The following RLF variants were observed in gnomAD, a reference collection of about 807,000 sequenced individuals.
RLF encodes zinc finger protein Rlf.
Under a neutral mutation model 162.9 loss-of-function variants are expected in RLF, and 7 were observed. The observed-to-expected ratio is 0.04, with a 90% confidence interval of 0.02 to 0.08. RLF has a LOEUF of 0.08. RLF is among the 10% of genes least tolerant of loss of function. The pLI is 1.00. For synonymous variants in RLF, 782 were observed against 791.5 expected (o/e 0.99, Z 0.20); for missense variants, 1,664 against 2,244.7 (o/e 0.74, Z 5.23).
chr1:40,161,770 A>G lies in RLF; in HGVS notation c.237+134A>G. ...GACTCGCCGCGCCCCCGGGCCGGGA[A>G]GGCCCAGCTCGGAAGCTCGACCGCT... is the stretch of plus-strand genomic sequence containing the variant. On this transcript the variant is annotated intron_variant, in intron 1 of 7. Transcript: ENST00000372771. This position sits in a 1 kb window ranked among gnomAD's most constrained non-coding sequence, Gnocchi z 4.4. 3 of 1,310,180 alleles carry G rather than the reference A, an allele frequency of 2.3e-6. No homozygotes were observed. Among genetic ancestry groups the G allele is most frequent in the Non-Finnish European group, 3.1e-6 (3 of 976,038 alleles). 81.2% of individuals were successfully genotyped at this position (1,310,180 alleles called of 1,614,324 possible).
At chr1:40,181,345 G>A (rs745984045) in intron 1 of RLF, among the ~76,000 whole-genome samples, 45 of 152,156 alleles carry the variant, frequency 3.0e-4, no homozygotes, top group Admixed American at 5.2e-4. Flanking sequence ...CAGGAGAATC[G>A]CTTGAACCTG....
intron 5 of RLF, among the ~76,000 whole-genome samples, chr1:40,213,839 TATTA>T: frequency 6.6e-6 from 1 of 152,244 alleles, no homozygotes; most frequent in South Asian, 2.1e-4. Context: ...AATGATAAAA[TATTA>T]ATGGCACTGG....
intron 1 of RLF, among the ~76,000 whole-genome samples, chr1:40,167,751 A>C (rs1246475692): frequency 6.8e-6 from 1 of 147,416 alleles, no homozygotes; most frequent in African/African-American, 2.5e-5. Context: ...CCGTCTCCCC[A>C]ACTGGGATGT....
intron 5 of RLF, among the ~76,000 whole-genome samples, chr1:40,221,562 A>G (rs1642994631): frequency 6.6e-6 from 1 of 151,844 alleles, no homozygotes; most frequent in Admixed American, 6.6e-5. Flanking sequence ...GTAACTGCGT[A>G]GCGCACTGGA....
chr1:40,200,867 TACACAC>T (rs71060356), intron 4 of RLF, among the ~76,000 whole-genome samples: 1,084 of 34,750 alleles, frequency 0.031, 23 homozygotes, highest in Middle Eastern at 0.065. Flanking sequence ...ATTGCTACTC[TACACAC>T]ACACACACAC....
chr1:40,236,576 A>C lies in RLF; in HGVS notation c.1874A>C (p.Gln625Pro). 6.2e-7 allele frequency: 1 copy of C among 1,614,154 alleles called. No individual in the cohort carries two copies. The highest frequency in any genetic ancestry group is 1.3e-5 in the African/African-American group (1 of 75,056). ...AAGAAATTACTGTTAAAAGGCTCTC[A>C]AAAGGGTATTTGTCCTAAGAGCCCC... ...SKKKLLLKGSQKGICPKSPSA... is the reference protein window; with the variant it reads ...SKKKLLLKGSPKGICPKSPSA... Residue 625 changes from glutamine (Q) to proline (P), a missense_variant, in exon 8 of 8, where the codon CAA becomes CCA. By Grantham distance (76) the Gln-to-Pro change is moderately conservative. Transcript: ENST00000372771. The surrounding 1 kb of genome is among the most constrained non-coding windows in gnomAD (Gnocchi z 7.7).
intron 5 of RLF, among the ~76,000 whole-genome samples, chr1:40,222,088 G>GA (rs1410942026): frequency 6.6e-6 from 1 of 151,912 alleles, no homozygotes; most frequent in Non-Finnish European, 1.5e-5. Flanking sequence ...TTCCTTCTAT[G>GA]AAAAAATGAT....
intron 1 of RLF, among the ~76,000 whole-genome samples, chr1:40,178,519 A>G (rs1642358784): frequency 6.6e-6 from 1 of 152,054 alleles, no homozygotes; most frequent in South Asian, 2.1e-4. Context: ...AATACTTAAT[A>G]CCACAGAAAT....
chr1:40,204,034 CTT>C (rs60379541), intron 5 of RLF, among the ~76,000 whole-genome samples: 65 of 135,104 alleles, frequency 4.8e-4, no homozygotes, highest in African/African-American at 6.9e-4. Context: ...GGTCCTCTCT[CTT>C]TTTTTTTTTT....
intron 1 of RLF, among the ~76,000 whole-genome samples, chr1:40,169,332 C>T (rs1421354084): frequency 1.3e-5 from 2 of 151,868 alleles, no homozygotes; most frequent in Non-Finnish European, 2.9e-5. Context: ...ATAAGTGCTT[C>T]TCGGCCGGGC....
chr1:40,227,073 C>T (rs979150499), intron 6 of RLF, among the ~76,000 whole-genome samples: 2 of 152,124 alleles, frequency 1.3e-5, no homozygotes, highest in African/African-American at 2.4e-5. Flanking sequence ...CCATGTGGGC[C>T]AGGCTGGTCT....
At chr1:40,200,905 C>T (rs1429810161) in intron 4 of RLF, among the ~76,000 whole-genome samples, 1 of 125,840 alleles carries the variant, frequency 7.9e-6, no homozygotes, top group African/African-American at 3.8e-5. Flanking sequence ...CACACACACA[C>T]ACACACACAC....
Position 40,240,350 on chromosome 1 carries a change from G to A in RLF, c.5648G>A (p.Arg1883Gln). 3 of 1,614,070 alleles carry A rather than the reference G, an allele frequency of 1.9e-6. No homozygotes were observed. The highest frequency in any genetic ancestry group is 2.5e-6 in the Non-Finnish European group (3 of 1,179,998). The change falls in exon 8 of 8, where the codon CGG becomes CAG. Residue 1883 changes from arginine to glutamine, a missense_variant. Coordinates refer to ENST00000372771, the MANE Select transcript of RLF (RefSeq NM_012421.4). ...GCCTTAAAACAGCTTCATTATCTTCGGCCAGTGGTGGTTCTTGAAAGATCT... is the reference window on the plus strand; with the variant it reads ...GCCTTAAAACAGCTTCATTATCTTCAGCCAGTGGTGGTTCTTGAAAGATCT... ...ELALKQLHYLRPVVVLERSKF... is the reference protein window; with the variant it reads ...ELALKQLHYLQPVVVLERSKF...
rs147414785 is a variant in RLF at position 40,235,876 on chromosome 1, G to C, written c.1174G>C (p.Ala392Pro). The C allele has an allele frequency of 6.2e-7, 1 of 1,614,020 alleles. No homozygotes were observed. The change falls in exon 8 of 8, where the codon GCA becomes CCA. Residue 392 changes from alanine (A) to proline (P), a missense_variant. Ala to Pro is a conservative substitution (Grantham distance 27, BLOSUM62 -1). This residue lies in a region of RLF where 287 missense variants were observed against 404.9 expected (regional missense o/e 0.71). Transcript: ENST00000372771. Reference protein sequence around the residue: ...LRSSEDEEMKASVCKTIACLL... With the variant: ...LRSSEDEEMKPSVCKTIACLL... ...ATCAAGTGAAGATGAGGAAATGAAG[G>C]CATCAGTTTGTAAAACAATTGCCTG... is the stretch of plus-strand genomic sequence containing the variant.
intron 5 of RLF, among the ~76,000 whole-genome samples, chr1:40,206,483 A>G (rs1052433962): frequency 2.6e-5 from 4 of 152,210 alleles, no homozygotes; most frequent in Non-Finnish European, 5.9e-5. Flanking sequence ...GGGTTCAAAG[A>G]TGAATGCAGA....
intron 5 of RLF, among the ~76,000 whole-genome samples, chr1:40,205,243 C>T (rs1342325561): frequency 1.3e-5 from 2 of 151,550 alleles, no homozygotes; most frequent in Admixed American, 6.6e-5. Flanking sequence ...TGCTTGAGCC[C>T]GGGAATTGCT....
At chr1:40,225,217 A>G (rs1330826124) in intron 6 of RLF, among the ~76,000 whole-genome samples, 1 of 152,226 alleles carries the variant, frequency 6.6e-6, no homozygotes, top group Non-Finnish European at 1.5e-5. Context: ...CACATACGCT[A>G]GAATTTATGT....
At chr1:40,195,998 AT>A (rs1642630255) in intron 4 of RLF, among the ~76,000 whole-genome samples, 1 of 152,064 alleles carries the variant, frequency 6.6e-6, no homozygotes, top group Non-Finnish European at 1.5e-5. Context: ...AGCAATGTTC[AT>A]ACAAAGTTCC....
At chr1:40,167,462 G>A (rs531248707) in intron 1 of RLF, among the ~76,000 whole-genome samples, 20 of 152,212 alleles carry the variant, frequency 1.3e-4, no homozygotes, top group African/African-American at 4.6e-4. Flanking sequence ...TTTGGGTGCT[G>A]TCATTTACTG....
Sources: allele counts gnomAD v4.1 joint callset (sites outside exome capture counted in the v4.1 genomes callset), GRCh38; gene constraint gnomAD v4.1.1; regional missense constraint gnomAD v4.1.1; non-coding constraint Gnocchi (gnomAD v3.1); transcripts MANE v1.5; gene names NCBI Gene and HGNC (gene_info 2026-07-23, HGNC 2026-07-21).